Variants in PTPRK observed in about 807,000 individuals in gnomAD.
PTPRK encodes protein tyrosine phosphatase receptor type K.
PTPRK carries 75 observed loss-of-function variants against 178.0 expected under a neutral mutation model. That is an observed-to-expected ratio of 0.42 (90% CI 0.35 to 0.51). The LOEUF is 0.51. PTPRK is among the 20% of genes least tolerant of loss of function. The probability of loss-of-function intolerance (pLI) is 0.02; values close to 1 mark genes in which losing one functional copy is unlikely to be tolerated. For missense variants in PTPRK, 1,441 were observed against 1,797.8 expected, an observed-to-expected ratio of 0.80 and a Z score of 3.59; for synonymous variants, 637 against 620.6, an observed-to-expected ratio of 1.03 and a Z score of -0.39.
chr6:128,496,769 T>C (rs1854728312), intron 1 of PTPRK, among the ~76,000 whole-genome samples: 1 of 152,194 alleles, frequency 6.6e-6, no homozygotes, highest in Non-Finnish European at 1.5e-5. Flanking sequence ...AAAGCAAAAG[T>C]GTTACACAAG....
chr6:128,268,920 T>G (rs953296148), intron 3 of PTPRK, among the ~76,000 whole-genome samples: 5 of 152,132 alleles, frequency 3.3e-5, no homozygotes, highest in African/African-American at 9.6e-5. Context: ...ACACAGAGGA[T>G]TTAAATATTC....
Position 128,184,567 on chromosome 6 carries a change from C to A in PTPRK, c.1027G>T (p.Val343Phe). ...TSGSWTETHA[V>F]NAPTYKLWHL... Reference sequence around the variant, plus strand: ...CATAATTTGTAAGTTGGAGCATTGACTGCATGGGTTTCTGTCCAGGATCCT... The same window carrying A: ...CATAATTTGTAAGTTGGAGCATTGAATGCATGGGTTTCTGTCCAGGATCCT... The change falls in exon 7 of 30, where the codon GTC becomes TTC. Residue 343 changes from valine (V) to phenylalanine (F), a missense_variant. By Grantham distance (50) the Val-to-Phe change is conservative (BLOSUM62 -1). Transcript: ENST00000368226. 1 of 1,613,986 alleles carries A rather than the reference C, an allele frequency of 6.2e-7. No individual in the cohort carries two copies. Among genetic ancestry groups the A allele is most frequent in the Non-Finnish European group, 8.5e-7 (1 of 1,179,940 alleles).
At chr6:128,186,563 T>C (rs935187940) in intron 6 of PTPRK, among the ~76,000 whole-genome samples, 6 of 152,150 alleles carry the variant, frequency 3.9e-5, no homozygotes, top group African/African-American at 1.4e-4. Flanking sequence ...GTAGTCAAAA[T>C]TGCATAGTAA....
intron 3 of PTPRK, among the ~76,000 whole-genome samples, chr6:128,291,170 A>G (rs1282362377): frequency 2.0e-5 from 3 of 152,086 alleles, no homozygotes; most frequent in Admixed American, 6.6e-5. Flanking sequence ...AAGACTCCGA[A>G]GCAATGTAGC....
chr6:128,430,919 C>T (rs994923213), intron 1 of PTPRK, among the ~76,000 whole-genome samples: 1 of 151,362 alleles, frequency 6.6e-6, no homozygotes, highest in Non-Finnish European at 1.5e-5. Context: ...TATTAGTCAA[C>T]GTGTGATTTT....
At chr6:128,137,984 G>A (rs1028651616) in intron 7 of PTPRK, among the ~76,000 whole-genome samples, 2 of 151,928 alleles carry the variant, frequency 1.3e-5, no homozygotes, top group South Asian at 2.1e-4. Flanking sequence ...GTAAACATCC[G>A]GCACATATTT....
intron 7 of PTPRK, among the ~76,000 whole-genome samples, chr6:128,163,817 AT>A (rs371756911): frequency 4.4e-4 from 66 of 151,654 alleles, no homozygotes; most frequent in Middle Eastern, 3.4e-3. Context: ...GTAATGTGAT[AT>A]AAGAATATCT....
intron 2 of PTPRK, among the ~76,000 whole-genome samples, chr6:128,326,273 C>T (rs1163051113): frequency 3.9e-5 from 6 of 152,040 alleles, no homozygotes; most frequent in African/African-American, 1.4e-4. Flanking sequence ...CAAACCTGCA[C>T]ATTCTGCATA....
In PTPRK at chr6:128,520,442, G is replaced by A; in HGVS notation, c.-84C>T. 1.5e-6 allele frequency: 2 copies of A among 1,334,650 alleles called. No individual in the cohort carries two copies. The highest frequency in any genetic ancestry group is 2.1e-6 in the Non-Finnish European group (2 of 953,734). The allele number at this position is 1,334,650 out of a possible 1,614,324, so 82.7% of individuals were successfully genotyped here. On this transcript the variant is annotated 5_prime_UTR_variant, in exon 1 of 30. Transcript: ENST00000368226. Reference sequence around the variant, plus strand: ...GAAATCCACGACGGAGGAGCGGGCCGGGCCTCGCGGGGTGAGGACGGTGAG... The same window carrying A: ...GAAATCCACGACGGAGGAGCGGGCCAGGCCTCGCGGGGTGAGGACGGTGAG...
chr6:128,073,352 A>G (rs1333903321), intron 11 of PTPRK, among the ~76,000 whole-genome samples: 1 of 152,100 alleles, frequency 6.6e-6, no homozygotes, highest in Non-Finnish European at 1.5e-5. Context: ...AAGAAGGGAT[A>G]AGTGCTCTAG....
At chr6:128,464,638 C>CATATATATATATACACACATATATAT (rs1849544400) in intron 1 of PTPRK, among the ~76,000 whole-genome samples, 1 of 48,602 alleles carries the variant, frequency 2.1e-5, no homozygotes, top group African/African-American at 9.5e-5. Flanking sequence ...TATATATACA[C>CATATATATATATACACACATATATAT]ATATATATAT....
At chr6:128,481,105 T>C (rs1339832175) in intron 1 of PTPRK, among the ~76,000 whole-genome samples, 1 of 151,832 alleles carries the variant, frequency 6.6e-6, no homozygotes. Flanking sequence ...TAGGTTTGCA[T>C]TTTCAATTCT....
intron 1 of PTPRK, among the ~76,000 whole-genome samples, chr6:128,486,846 A>G (rs1046867405): frequency 6.7e-6 from 1 of 149,014 alleles, no homozygotes; most frequent in Non-Finnish European, 1.5e-5. Context: ...GGAAGAAAGG[A>G]AAAAAATAAA....
intron 1 of PTPRK, among the ~76,000 whole-genome samples, chr6:128,463,468 T>C (rs1293078666): frequency 6.6e-6 from 1 of 152,262 alleles, no homozygotes; most frequent in Non-Finnish European, 1.5e-5. Context: ...CACAAAGGCT[T>C]CAATTTACCT....
intron 3 of PTPRK, among the ~76,000 whole-genome samples, chr6:128,287,593 A>G (rs900975442): frequency 1.3e-5 from 2 of 152,312 alleles, no homozygotes. Context: ...ACCACAGTAT[A>G]GCCACTTTTT....
chr6:128,373,916 G>C (rs1230625504), intron 2 of PTPRK, among the ~76,000 whole-genome samples: 1 of 152,026 alleles, frequency 6.6e-6, no homozygotes. Flanking sequence ...ACAATTAATT[G>C]TATTCCATTT....
chr6:128,135,078 TCACACACACACACACACACACACACA>T (rs34254716), intron 7 of PTPRK, among the ~76,000 whole-genome samples: 4 of 136,276 alleles, frequency 2.9e-5, no homozygotes, highest in Admixed American at 7.3e-5. Flanking sequence ...AATCATTCAA[TCACACACACACACACACACACACACA>T]CACACACACA....
At chr6:128,455,897 A>G (rs1486626933) in intron 1 of PTPRK, among the ~76,000 whole-genome samples, 1 of 152,122 alleles carries the variant, frequency 6.6e-6, no homozygotes, top group Non-Finnish European at 1.5e-5. Context: ...AATACTTTTG[A>G]ACACCTAATT....
chr6:128,261,713 A>G (rs1185031465), intron 3 of PTPRK, among the ~76,000 whole-genome samples: 3 of 152,186 alleles, frequency 2.0e-5, no homozygotes, highest in Non-Finnish European at 4.4e-5. Context: ...TTTAATTTTA[A>G]TTTTAATAAT....
Sources: allele counts gnomAD v4.1 joint callset (sites outside exome capture counted in the v4.1 genomes callset), GRCh38; gene constraint gnomAD v4.1.1; transcripts MANE v1.5; gene names NCBI Gene and HGNC (gene_info 2026-07-23, HGNC 2026-07-21).